The following WWTR1 variants were observed in gnomAD, a reference collection of about 807,000 sequenced individuals.
The protein encoded by WWTR1 is WW domain containing transcription regulator 1, also known as WW domain-containing transcription regulator protein 1.
A neutral mutation model predicts 40.1 loss-of-function variants in WWTR1; 13 were observed. That is an observed-to-expected ratio of 0.32 (90% confidence interval 0.21 to 0.52). The LOEUF is 0.52. WWTR1 is among the 20% of genes least tolerant of loss of function. WWTR1 has a pLI of 0.97. For missense variants in WWTR1, 436 were observed against 523.1 expected (o/e 0.83, Z 1.63); for synonymous variants, 230 against 210.1 (o/e 1.09, Z -0.82).
In WWTR1 at chr3:149,551,417, A is replaced by G. The variant is rs1244036967; in HGVS notation, c.569-8880T>C. ...GCATACACTGGGTAATACACTTGAT[A>G]TGGCATCTGGGAAACTTCCTCCTTG... On this transcript the variant is annotated intron_variant, in intron 3 of 6. Coordinates refer to ENST00000360632, the MANE Select transcript of WWTR1 (RefSeq NM_015472.6). Among the ~76,000 whole-genome samples the G allele has an allele frequency of 2.1e-5, 3 of 145,872 alleles. 1 individual carries two copies. Among genetic ancestry groups the G allele is most frequent in the Non-Finnish European group, 3.0e-5 (2 of 66,388 alleles).
chr3:149,543,507 G>C (rs540729461), intron 3 of WWTR1, among the ~76,000 whole-genome samples: 1 of 147,362 alleles, frequency 6.8e-6, no homozygotes, highest in Non-Finnish European at 1.5e-5. Flanking sequence ...GCTTGAACCC[G>C]GGAGGCGGAG....
At chr3:149,617,229 GAGC>G (rs1740017391) in intron 2 of WWTR1, among the ~76,000 whole-genome samples, 1 of 152,166 alleles carries the variant, frequency 6.6e-6, no homozygotes, top group Admixed American at 6.5e-5. Context: ...GGACCATGAT[GAGC>G]AGAAGGAAAA....
chr3:149,688,656 C>T (rs1714725515), intron 1 of WWTR1, among the ~76,000 whole-genome samples: 1 of 152,126 alleles, frequency 6.6e-6, no homozygotes, highest in Non-Finnish European at 1.5e-5. Context: ...ACTTGGAAAA[C>T]ATTCTCGAGA....
intron 4 of WWTR1, among the ~76,000 whole-genome samples, chr3:149,531,145 T>A (rs35780858): frequency 0.52 from 79,483 of 151,946 alleles, 22,149 homozygotes; most frequent in South Asian, 0.69. Context: ...ATGTTGCCCA[T>A]GCTGGTCTCG....
chr3:149,645,625 G>A (rs903418733), intron 2 of WWTR1, among the ~76,000 whole-genome samples: 2 of 152,162 alleles, frequency 1.3e-5, no homozygotes, highest in Non-Finnish European at 2.9e-5. Flanking sequence ...TTTACCATTT[G>A]CTTGGGTTTT....
intron 2 of WWTR1, among the ~76,000 whole-genome samples, chr3:149,602,390 A>G (rs1299133439): frequency 6.6e-6 from 1 of 152,224 alleles, no homozygotes; most frequent in East Asian, 1.9e-4. Context: ...AGGCAACCCA[A>G]GATGGGAAGG....
chr3:149,622,498 GAAGGAAGAAAGA>G (rs1272573530), intron 2 of WWTR1, among the ~76,000 whole-genome samples: 103 of 51,038 alleles, frequency 2.0e-3, no homozygotes, highest in Middle Eastern at 8.5e-3. Flanking sequence ...AGGAAGGAAG[GAAGGAAGAAAGA>G]AAGAAAGAAA....
rs1737359591 is a variant in WWTR1, at chr3:149,567,061, T to A, written c.568+5803A>T. 3.3e-5 allele frequency among the ~76,000 whole-genome samples: 5 copies of A among 152,060 alleles called. 1 individual carries two copies. The highest frequency in any genetic ancestry group is 7.2e-5 in the African/African-American group (3 of 41,404). ...GCTGGTGAAGTTGTTATAGTCTTTA[T>A]TTTTTCCTGTACTGTCAGGAAGGAT... On this transcript the variant is annotated intron_variant, in intron 3 of 6. Transcript: ENST00000360632.
At chr3:149,664,691 C>T (rs1403786181) in intron 2 of WWTR1, among the ~76,000 whole-genome samples, 1 of 151,378 alleles carries the variant, frequency 6.6e-6, no homozygotes, top group East Asian at 1.9e-4. Flanking sequence ...CGGGTTCAAA[C>T]GATTCTCCTG....
chr3:149,563,640 A>G (rs1737183615), intron 3 of WWTR1, among the ~76,000 whole-genome samples: 1 of 152,256 alleles, frequency 6.6e-6, no homozygotes, highest in African/African-American at 2.4e-5. Flanking sequence ...GCATACTCCA[A>G]GTCCTTTTCA....
At chr3:149,696,623 A>G (rs751738805) in intron 1 of WWTR1, among the ~76,000 whole-genome samples, 2 of 152,210 alleles carry the variant, frequency 1.3e-5, no homozygotes, top group Non-Finnish European at 2.9e-5. Flanking sequence ...TATTCTCATG[A>G]TCATTGCTGC....
At chr3:149,660,680 A>G (rs1713529376), upstream of WWTR1, among the ~76,000 whole-genome samples, 1 of 152,244 alleles carries the variant, frequency 6.6e-6, no homozygotes, top group Admixed American at 6.5e-5. Context: ...GTCACTTCAG[A>G]CAAGACATTT....
chr3:149,683,530 C>A (rs1323792657), intron 1 of WWTR1, among the ~76,000 whole-genome samples: 1 of 152,014 alleles, frequency 6.6e-6, no homozygotes, highest in Non-Finnish European at 1.5e-5. Flanking sequence ...CCCGTCTCTA[C>A]TAAAAATACA....
chr3:149,626,499 T>G (rs527547080), intron 2 of WWTR1, among the ~76,000 whole-genome samples: 132 of 151,464 alleles, frequency 8.7e-4, no homozygotes, highest in African/African-American at 3.2e-3. Flanking sequence ...ATATACATAT[T>G]CTATAGTATG....
intron 2 of WWTR1, among the ~76,000 whole-genome samples, chr3:149,610,809 G>A (rs1019468364): frequency 6.6e-6 from 1 of 152,098 alleles, no homozygotes; most frequent in African/African-American, 2.4e-5. Context: ...ACATCCGGGG[G>A]ACTCAAAAGA....
At chr3:149,675,011 T>A (rs573864144) in intron 1 of WWTR1, among the ~76,000 whole-genome samples, 1 of 152,364 alleles carries the variant, frequency 6.6e-6, no homozygotes, top group Non-Finnish European at 1.5e-5. Context: ...GGAGACCAGT[T>A]GGTAAACTAT....
At chr3:149,719,027 T>C (rs555772647) in intron 4 of WWTR1, among the ~76,000 whole-genome samples, 2 of 152,164 alleles carry the variant, frequency 1.3e-5, no homozygotes, top group Non-Finnish European at 2.9e-5. Flanking sequence ...GATTTCACTA[T>C]GTTGGCCAGG....
At chr3:149,528,580 C>T (rs562402201) in intron 4 of WWTR1, among the ~76,000 whole-genome samples, 1 of 152,012 alleles carries the variant, frequency 6.6e-6, no homozygotes, top group Admixed American at 6.6e-5. Flanking sequence ...TCACTGGAGC[C>T]CACAAGTTCG....
At chr3:149,585,070 A>G (rs1157530664) in intron 2 of WWTR1, among the ~76,000 whole-genome samples, 3 of 152,138 alleles carry the variant, frequency 2.0e-5, no homozygotes, top group Admixed American at 6.6e-5. Flanking sequence ...GGAGAGAAAT[A>G]ATGGTAGACA....
Sources: gnomAD v4.1 joint callset for allele counts (sites outside exome capture counted in the v4.1 genomes callset) on GRCh38, gnomAD v4.1.1 for gene constraint, MANE v1.5 for transcripts, NCBI Gene and HGNC (gene_info 2026-07-23, HGNC 2026-07-21) for gene names.